Variants in FRMD3 observed in about 807,000 individuals in gnomAD.
The protein encoded by FRMD3 is FERM domain-containing protein 3.
Under a neutral mutation model 70.2 loss-of-function variants are expected in FRMD3, and 33 were observed. The ratio of observed to expected loss-of-function variants is 0.47; its 90% confidence interval spans 0.36 to 0.63. FRMD3 has a LOEUF of 0.63. Among genes scored for constraint, FRMD3 ranks in the 20% least tolerant of loss-of-function variants. FRMD3 has a pLI of 0.00. For synonymous variants in FRMD3, 279 were observed against 255.9 expected (o/e 1.09, Z -0.86); for missense variants, 632 against 711.4 (o/e 0.89, Z 1.27).
intron 13 of FRMD3, among the ~76,000 whole-genome samples, chr9:83,251,122 G>C (rs184416550): frequency 1.3e-5 from 2 of 152,282 alleles, no homozygotes; most frequent in East Asian, 3.9e-4. Flanking sequence ...CCAGCAACAA[G>C]TCAGTACACC....
At chr9:83,484,905 C>A (rs192237769) in intron 1 of FRMD3, among the ~76,000 whole-genome samples, 12 of 152,306 alleles carry the variant, frequency 7.9e-5, no homozygotes, top group Non-Finnish European at 1.6e-4. Context: ...TAGAGAGACA[C>A]ACAGTGTGAT....
At chr9:83,569,374 T>C in the FRMD3 span, among the ~76,000 whole-genome samples, 1 of 152,218 alleles carries the variant, frequency 6.6e-6, no homozygotes, top group Non-Finnish European at 1.5e-5. Flanking sequence ...TCATTTTTGA[T>C]AAATAGACTC....
intron 1 of FRMD3, among the ~76,000 whole-genome samples, chr9:83,424,424 A>G (rs1245434948): frequency 6.6e-6 from 1 of 152,238 alleles, no homozygotes. Context: ...ACTATCTGCA[A>G]TGGAGATTTC....
At chr9:83,344,824 A>AGAGTGTGT (rs376018449) in intron 4 of FRMD3, among the ~76,000 whole-genome samples, 8 of 144,082 alleles carry the variant, frequency 5.6e-5, no homozygotes, top group South Asian at 2.3e-4. Context: ...TGCATGTGTG[A>AGAGTGTGT]GTGTGTGTGT....
chr9:83,538,145 G>A lies in FRMD3; in HGVS notation c.87C>T (p.Ser29=), dbSNP rs745753324. 1.9e-6 allele frequency: 3 copies of A among 1,613,588 alleles called. No individual in the cohort carries two copies. The highest frequency in any genetic ancestry group is 2.5e-6 in the Non-Finnish European group (3 of 1,179,796). Reference sequence around the variant, plus strand: ...GCCGGATGGTGCATCTCATCTCCTGGCTGAGCGATTTGACGCTGGAGCTCC... The same window carrying A: ...GCCGGATGGTGCATCTCATCTCCTGACTGAGCGATTTGACGCTGGAGCTCC... ...HFRSSSVKSL[S]QEMRCTIRLL... Residue 29 remains serine (S), a synonymous_variant, in exon 1 of 14, where the codon AGC becomes AGT. Transcript: ENST00000304195. This position sits in a 1 kb window ranked among gnomAD's most constrained non-coding sequence, Gnocchi z 4.7.
intron 13 of FRMD3, among the ~76,000 whole-genome samples, chr9:83,280,478 A>G (rs1833937373): frequency 6.6e-6 from 1 of 152,224 alleles, no homozygotes; most frequent in South Asian, 2.1e-4. Context: ...ATAGACCAAA[A>G]GCATGTAAAA....
chr9:83,400,228 T>A lies in FRMD3; in HGVS notation c.148-10520A>T, dbSNP rs559521205. Among the ~76,000 whole-genome samples, 6 of 152,212 alleles carry A rather than the reference T, an allele frequency of 3.9e-5. No homozygotes were observed. The East Asian group carries it at 1.2e-3, about 29-fold the overall frequency. On this transcript the variant is annotated intron_variant, in intron 1 of 13. Transcript: ENST00000304195. ...AGGACATAAAGCTAACATACAAAAA[T>A]AAATTGTTTTCCTATAGACCAGCAA...
chr9:83,379,719 C>T (rs967969192), intron 2 of FRMD3, among the ~76,000 whole-genome samples: 1 of 152,174 alleles, frequency 6.6e-6, no homozygotes, highest in Admixed American at 6.5e-5. Flanking sequence ...TTACTGGAGT[C>T]CACCACAGGG....
At chr9:83,261,209 ATCT>A (rs993279941) in intron 13 of FRMD3, among the ~76,000 whole-genome samples, 27 of 151,536 alleles carry the variant, frequency 1.8e-4, no homozygotes, top group African/African-American at 6.1e-4. Context: ...TCATGTAAAC[ATCT>A]TCTCCTGGGA....
In FRMD3 at chr9:83,383,265, A is replaced by T. The variant is rs187206600; in HGVS notation, c.252+6339T>A. On this transcript the variant is annotated intron_variant, in intron 2 of 13. Coordinates refer to ENST00000304195, the MANE Select transcript of FRMD3 (RefSeq NM_174938.6). ...AATCTCCCAGCTGAGCCCTGCTCAA[A>T]TCCCTGAGCCACAAAATGCTGTGAT... Among the ~76,000 whole-genome samples, 27 of 152,354 alleles carry T rather than the reference A, an allele frequency of 1.8e-4. No individual in the cohort carries two copies. The East Asian group carries it at 5.2e-3, about 29-fold the overall frequency.
the FRMD3 span, among the ~76,000 whole-genome samples, chr9:83,557,766 A>G: frequency 6.6e-6 from 1 of 152,210 alleles, no homozygotes; most frequent in African/African-American, 2.4e-5. Context: ...ACGAAAAGAA[A>G]TATGATGGAA....
chr9:83,330,022 G>T (rs1205823291), intron 6 of FRMD3, among the ~76,000 whole-genome samples: 2 of 152,094 alleles, frequency 1.3e-5, no homozygotes, highest in East Asian at 3.9e-4. Flanking sequence ...TCTTACCCCA[G>T]GTGGCTTTGA....
chr9:83,415,752 G>A (rs562371547), intron 1 of FRMD3, among the ~76,000 whole-genome samples: 20 of 149,880 alleles, frequency 1.3e-4, no homozygotes, highest in East Asian at 6.0e-4. Flanking sequence ...GAGCCACTGC[G>A]CCCAGCCGAG....
At chr9:83,408,291 C>T (rs1249939934) in intron 1 of FRMD3, among the ~76,000 whole-genome samples, 1 of 152,222 alleles carries the variant, frequency 6.6e-6, no homozygotes, top group Non-Finnish European at 1.5e-5. Context: ...ACCAAGCTTG[C>T]TCCCTGGATG....
intron 3 of FRMD3, among the ~76,000 whole-genome samples, chr9:83,358,826 G>A (rs1356456760): frequency 2.0e-5 from 3 of 152,016 alleles, no homozygotes; most frequent in Admixed American, 6.6e-5. Context: ...ATTCAACTGT[G>A]CTGCATTCAA....
In FRMD3 at chr9:83,509,825, G is replaced by A. The variant is rs1366740720; in HGVS notation, c.147+28260C>T. The stretch of plus-strand genomic sequence containing the variant: ...CACACACAGTTCCAAAGATTGGGCT[G>A]TAATCATTCTTTGAGAGCCTAGAAA... On this transcript the variant is annotated intron_variant, in intron 1 of 13. Coordinates refer to ENST00000304195, the MANE Select transcript of FRMD3 (RefSeq NM_174938.6). Among the ~76,000 whole-genome samples, 3 of 152,132 alleles carry A rather than the reference G, an allele frequency of 2.0e-5. No homozygotes were observed. In the East Asian group the frequency reaches 5.8e-4, roughly 29 times the overall value.
chr9:83,395,261 G>T (rs1488462008), intron 1 of FRMD3, among the ~76,000 whole-genome samples: 5 of 130,610 alleles, frequency 3.8e-5, no homozygotes, highest in Non-Finnish European at 7.9e-5. Flanking sequence ...TCCCAGAACT[G>T]TCCTCTATAG....
At chr9:83,309,890 T>C (rs1286670315) in intron 9 of FRMD3, among the ~76,000 whole-genome samples, 3 of 152,228 alleles carry the variant, frequency 2.0e-5, no homozygotes, top group Non-Finnish European at 2.9e-5. Flanking sequence ...CCAGGCATCA[T>C]CTACCTCTCT....
intron 2 of FRMD3, among the ~76,000 whole-genome samples, chr9:83,387,533 T>C (rs1187949896): frequency 6.6e-6 from 1 of 152,204 alleles, no homozygotes; most frequent in Non-Finnish European, 1.5e-5. Flanking sequence ...GTCTGCAGGC[T>C]GGCCATTTAT....
Sources: gnomAD v4.1 joint callset for allele counts (sites outside exome capture counted in the v4.1 genomes callset) on GRCh38, gnomAD v4.1.1 for gene constraint, Gnocchi (gnomAD v3.1) non-coding constraint, MANE v1.5 for transcripts, NCBI Gene and HGNC (gene_info 2026-07-23, HGNC 2026-07-21) for gene names.